CHLSN: variants seen among roughly 807,000 people sequenced by gnomAD.
CHLSN encodes the protein protein cholesin.
At chr7:990,775 T>TG in the CHLSN span, among the ~76,000 whole-genome samples, 1 of 151,874 alleles carries the variant, frequency 6.6e-6, no homozygotes, top group Non-Finnish European at 1.5e-5. Context: ...ACTGAAAACT[T>TG]GAAGGGCAGA....
At chr7:1,081,548 G>A in the CHLSN span, among the ~76,000 whole-genome samples, 14 of 152,354 alleles carry the variant, frequency 9.2e-5, no homozygotes, top group East Asian at 1.2e-3. Flanking sequence ...GCTGGCATCC[G>A]CCACGCGGAC....
the CHLSN span, chr7:983,503 C>T: frequency 1.2e-4 from 129 of 1,084,610 alleles, no homozygotes; most frequent in Non-Finnish European, 1.4e-4. Flanking sequence ...CCGGGCCCAG[C>T]GGGGCACGCA....
the CHLSN span, chr7:1,028,468 A>G: frequency 1.0e-6 from 1 of 984,850 alleles, no homozygotes; most frequent in African/African-American, 1.8e-5. Flanking sequence ...CGGGGGTGGG[A>G]GAGCCGGGGC....
chr7:1,016,831 A>ACCAGCGCACAGCAGCGCACT, the CHLSN span, among the ~76,000 whole-genome samples: 2 of 123,528 alleles, frequency 1.6e-5, no homozygotes, highest in Non-Finnish European at 3.3e-5. Context: ...AGCAGCGCAC[A>ACCAGCGCACAGCAGCGCACT]GCAGCGCACG....
At chr7:1,061,648 A>G in the CHLSN span, among the ~76,000 whole-genome samples, 1 of 152,224 alleles carries the variant, frequency 6.6e-6, no homozygotes. Flanking sequence ...AGATTCCCAA[A>G]GCCTTCACCT....
chr7:1,000,251 G>A, the CHLSN span, among the ~76,000 whole-genome samples: 4 of 152,090 alleles, frequency 2.6e-5, no homozygotes, highest in Non-Finnish European at 4.4e-5. Context: ...TGCCTGCCCC[G>A]CCGTGCACAG....
the CHLSN span, among the ~76,000 whole-genome samples, chr7:1,041,225 C>CTCCGCGCTGCGGGGAAGGGGACCTGGGG: frequency 2.1e-5 from 3 of 143,678 alleles, no homozygotes; most frequent in African/African-American, 7.8e-5. Context: ...GGGACCTGGG[C>CTCCGCGCTGCGGGGAAGGGGACCTGGGG]TCCGCGCTGC....
chr7:1,111,878 A>G, the CHLSN span, among the ~76,000 whole-genome samples: 4 of 152,132 alleles, frequency 2.6e-5, no homozygotes, highest in Non-Finnish European at 4.4e-5. Flanking sequence ...TGGAAAAGCA[A>G]ACATGCCCAC....
At chr7:1,007,299 G>C in the CHLSN span, among the ~76,000 whole-genome samples, 1 of 152,240 alleles carries the variant, frequency 6.6e-6, no homozygotes, top group South Asian at 2.1e-4. Context: ...TGTCCTTCCT[G>C]AGTCCCAGTC....
At chr7:1,021,562 C>T in the CHLSN span, 1 of 985,442 alleles carries the variant, frequency 1.0e-6, no homozygotes, top group Non-Finnish European at 1.2e-6. Flanking sequence ...AGGGCTTCAG[C>T]AGCTGTCAGT....
chr7:1,017,182 G>C, the CHLSN span, among the ~76,000 whole-genome samples: 2 of 152,204 alleles, frequency 1.3e-5, no homozygotes, highest in African/African-American at 2.4e-5. Flanking sequence ...CCAGGCTCAG[G>C]CTCCCTGGGG....
chr7:1,043,751 G>A, the CHLSN span: 3 of 152,312 alleles, frequency 2.0e-5, no homozygotes, highest in Admixed American at 1.3e-4. Flanking sequence ...AGGTGGCTGA[G>A]GTACATCCCT....
chr7:1,001,901 G>A, the CHLSN span, among the ~76,000 whole-genome samples: 1 of 99,612 alleles, frequency 1.0e-5, no homozygotes, highest in Non-Finnish European at 2.1e-5. Context: ...GGAGTCCTGT[G>A]GGTGGGGAGT....
the CHLSN span, among the ~76,000 whole-genome samples, chr7:1,114,709 T>G: frequency 6.6e-6 from 1 of 152,298 alleles, no homozygotes; most frequent in African/African-American, 2.4e-5. Context: ...AAACCAGGGC[T>G]GACAAGAGCA....
the CHLSN span, chr7:984,673 G>A: frequency 1.4e-6 from 2 of 1,462,064 alleles, no homozygotes; most frequent in Non-Finnish European, 1.8e-6. Flanking sequence ...TCCCAGGGTG[G>A]CCTGGGGAAG....
chr7:1,127,272 T>C, the CHLSN span: 3 of 1,598,980 alleles, frequency 1.9e-6, no homozygotes, highest in Non-Finnish European at 2.6e-6. Flanking sequence ...AGCCGGCTCC[T>C]TCGCCACTTG....
At chr7:996,345 C>A in the CHLSN span, among the ~76,000 whole-genome samples, 1 of 152,230 alleles carries the variant, frequency 6.6e-6, no homozygotes, top group African/African-American at 2.4e-5. Flanking sequence ...GCCTCAGGAG[C>A]TCTGTTGGGG....
At chr7:1,069,424 G>A in the CHLSN span, among the ~76,000 whole-genome samples, 19,351 of 145,138 alleles carry the variant, frequency 0.13, 1,486 homozygotes, top group Non-Finnish European at 0.16. Flanking sequence ...AAGCTGGACT[G>A]TACTGCTGCC....
At chr7:1,123,508 C>T in the CHLSN span, among the ~76,000 whole-genome samples, 60 of 152,228 alleles carry the variant, frequency 3.9e-4, no homozygotes, top group Non-Finnish European at 7.4e-4. The surrounding 1 kb of genome is among the most constrained non-coding windows in gnomAD (Gnocchi z 4.4). Context: ...CTTTTCCACA[C>T]GCTCCCCCGG....
Sources: allele counts gnomAD v4.1 joint callset (sites outside exome capture counted in the v4.1 genomes callset), GRCh38; gene constraint gnomAD v4.1.1; non-coding constraint Gnocchi (gnomAD v3.1); transcripts MANE v1.5; gene names NCBI Gene and HGNC (gene_info 2026-07-23, HGNC 2026-07-21).